PLD1: variants seen among roughly 807,000 people sequenced by gnomAD.
The protein encoded by PLD1 is choline phosphatase 1.
A neutral mutation model predicts 137.1 loss-of-function variants in PLD1; 112 were observed. That is an observed-to-expected ratio of 0.82 (90% CI 0.70 to 0.96). The LOEUF (loss-of-function observed/expected upper bound fraction) is 0.96, where lower values mean the gene tolerates loss of function less well. PLD1 is among the 40% of genes least tolerant of loss of function. PLD1 has a pLI of 0.00. For synonymous variants in PLD1, 431 were observed against 454.7 expected, an observed-to-expected ratio of 0.95 and a Z score of 0.66; for missense variants, 1,321 against 1,342.0, an observed-to-expected ratio of 0.98 and a Z score of 0.24.
intron 23 of PLD1, among the ~76,000 whole-genome samples, chr3:171,624,416 G>C (rs971113504): frequency 1.3e-5 from 2 of 152,050 alleles, no homozygotes; most frequent in Non-Finnish European, 2.9e-5. Context: ...TCATATATTG[G>C]TGATGAAAAT....
At chr3:171,642,496 T>C (rs1332009801) in intron 23 of PLD1, among the ~76,000 whole-genome samples, 2 of 142,152 alleles carry the variant, frequency 1.4e-5, no homozygotes, top group Non-Finnish European at 3.0e-5. Context: ...TCTGCGAAAG[T>C]GTCTTTGAAA....
chr3:171,677,869 C>A (rs1334720746), intron 16 of PLD1, 175 bp from the exon 17 acceptor site: 2 of 524,832 alleles, frequency 3.8e-6, no homozygotes, highest in South Asian at 3.4e-5. Flanking sequence ...ACAGTCCTTA[C>A]AAGTTTACTT....
intron 1 of PLD1, among the ~76,000 whole-genome samples, chr3:171,795,212 C>A (rs950365544): frequency 6.6e-6 from 1 of 152,182 alleles, no homozygotes. Flanking sequence ...ACTGACAGGC[C>A]CACTCACCCC....
chr3:171,733,489 C>G lies in PLD1; in HGVS notation c.561G>C (p.Leu187Phe). ...ACATGGGCATTTTTAGTATCTTTGTCAAGTAATCTTCCAGTTGTTTCTGTA... is the reference window on the plus strand; with the variant it reads ...ACATGGGCATTTTTAGTATCTTTGTGAAGTAATCTTCCAGTTGTTTCTGTA... Reference protein sequence around the residue: ...LGRRKQLEDYLTKILKMPMYR... With the variant: ...LGRRKQLEDYFTKILKMPMYR... Residue 187 changes from leucine to phenylalanine, a missense_variant, in exon 6 of 27, where the codon TTG (leucine) becomes TTC (phenylalanine). Transcript: ENST00000351298. 1 of 1,312,358 alleles carries G rather than the reference C, an allele frequency of 7.6e-7. No homozygotes were observed. Among genetic ancestry groups the G allele is most frequent in the Non-Finnish European group, 1.1e-6 (1 of 909,812 alleles). 81.3% of individuals were successfully genotyped at this position (1,312,358 alleles called of 1,614,324 possible). A position where few individuals can be genotyped will look rare whatever the true frequency, so the allele number is the denominator to read the frequency against.
At chr3:171,751,738 C>A (rs1044002754) in intron 1 of PLD1, among the ~76,000 whole-genome samples, 1 of 152,174 alleles carries the variant, frequency 6.6e-6, no homozygotes, top group African/African-American at 2.4e-5. Context: ...CGGTGGCTCA[C>A]GCCTGTAATC....
chr3:171,762,736 A>G (rs1721492920), intron 1 of PLD1, among the ~76,000 whole-genome samples: 1 of 152,206 alleles, frequency 6.6e-6, no homozygotes, highest in South Asian at 2.1e-4. Flanking sequence ...TGAGCAAGAA[A>G]GTGAGTTAGG....
At position 171,673,630 on chromosome 3, in the gene PLD1, C is replaced by T. The variant is rs146745594; in HGVS notation, c.2229+870G>A. ...TCTGAAATGTCTTATTTCTTATATACACATACCTCCAATTGCACACGATGC... is the reference window on the plus strand; with the variant it reads ...TCTGAAATGTCTTATTTCTTATATATACATACCTCCAATTGCACACGATGC... On this transcript the variant is annotated intron_variant, in intron 19 of 26. Transcript: ENST00000351298. Among the ~76,000 whole-genome samples the T allele has an allele frequency of 2.0e-5, 3 of 152,248 alleles. No homozygotes were observed. In the East Asian group the frequency reaches 5.8e-4, roughly 29 times the overall value.
At chr3:171,632,208 G>C (rs1442059157) in intron 23 of PLD1, among the ~76,000 whole-genome samples, 1 of 152,146 alleles carries the variant, frequency 6.6e-6, no homozygotes, top group African/African-American at 2.4e-5. Context: ...TTGAGGGACA[G>C]TCTATAGAGC....
intron 19 of PLD1, among the ~76,000 whole-genome samples, chr3:171,673,199 C>A (rs1429897628): frequency 6.6e-6 from 1 of 152,112 alleles, no homozygotes; most frequent in African/African-American, 2.4e-5. Context: ...TAAATCATAG[C>A]TATCTCTATG....
intron 16 of PLD1, among the ~76,000 whole-genome samples, chr3:171,682,108 AAAAGAAAGAAAG>A (rs61458676): frequency 0.016 from 1,573 of 99,146 alleles, 17 homozygotes; most frequent in African/African-American, 0.024. Flanking sequence ...TACAGAAAGA[AAAAGAAAGAAAG>A]AAAGAAAGAA....
At chr3:171,803,893 T>C (rs527729278) in intron 1 of PLD1, among the ~76,000 whole-genome samples, 1 of 152,326 alleles carries the variant, frequency 6.6e-6, no homozygotes, top group East Asian at 1.9e-4. Context: ...AAATAATTAG[T>C]AAGTCAGAGG....
In PLD1 at chr3:171,687,527, G is replaced by A. The variant is rs1714698878; in HGVS notation, c.1597C>T (p.Gln533Ter). The A allele has an allele frequency of 2.5e-6, 4 of 1,614,002 alleles. No individual in the cohort carries two copies. The South Asian group carries it at 4.4e-5, about 18-fold the overall frequency. Reference sequence around the variant, plus strand: ...ATACTCTTCTGGATGGGTAGGTTTTGAACAGGCTCATTTTTATCTTTGAGT... The same window carrying A: ...ATACTCTTCTGGATGGGTAGGTTTTAAACAGGCTCATTTTTATCTTTGAGT... ...LRLKDKNEPV[Q>*]NLPIQKSIDD... The change falls in exon 15 of 27, where the codon CAA becomes TAA. Residue 533 changes from glutamine (Q) to a stop codon, truncating the protein, a stop_gained. Coordinates refer to ENST00000351298, the MANE Select transcript of PLD1 (RefSeq NM_002662.5). LOFTEE classifies it high-confidence loss of function.
intron 26 of PLD1, 148 bp from the exon 27 acceptor site, chr3:171,603,450 T>C: frequency 1.6e-6 from 1 of 620,756 alleles, no homozygotes; most frequent in Non-Finnish European, 2.8e-6. Flanking sequence ...GATTTAAGAG[T>C]TGGTTATCTT....
intron 12 of PLD1, among the ~76,000 whole-genome samples, chr3:171,696,905 C>T (rs1032462665): frequency 2.6e-5 from 4 of 152,190 alleles, no homozygotes; most frequent in Non-Finnish European, 5.9e-5. Flanking sequence ...AAATGAAGCA[C>T]TGTTATCAGG....
intron 1 of PLD1, among the ~76,000 whole-genome samples, chr3:171,785,068 G>A (rs758312698): frequency 1.3e-5 from 2 of 152,190 alleles, no homozygotes; most frequent in Non-Finnish European, 2.9e-5. Flanking sequence ...GAATACTACA[G>A]TAAGTCCTGT....
chr3:171,786,940 G>A (rs180768523), intron 1 of PLD1, among the ~76,000 whole-genome samples: 116 of 152,042 alleles, frequency 7.6e-4, no homozygotes, highest in Non-Finnish European at 9.9e-4. Context: ...TCCCTTCATC[G>A]GTAAGTTATC....
intron 16 of PLD1, 193 bp from the exon 17 acceptor site, chr3:171,677,887 G>A: frequency 2.1e-6 from 1 of 466,500 alleles, no homozygotes; most frequent in Non-Finnish European, 3.8e-6. Flanking sequence ...CTTTTAGTGG[G>A]CAGTTAGGGC....
At chr3:171,742,941 CT>C (rs953512054) in intron 1 of PLD1, among the ~76,000 whole-genome samples, 30 of 151,120 alleles carry the variant, frequency 2.0e-4, no homozygotes, top group Admixed American at 1.5e-3. Context: ...GGATCTTTGA[CT>C]TTTTTTTTAA....
At chr3:171,646,298 A>G (rs969144301) in intron 21 of PLD1, among the ~76,000 whole-genome samples, 10 of 152,208 alleles carry the variant, frequency 6.6e-5, no homozygotes, top group African/African-American at 2.4e-4. Flanking sequence ...GATCCTACTT[A>G]AACTTCTCAT....
Sources: allele counts gnomAD v4.1 joint callset (sites outside exome capture counted in the v4.1 genomes callset), GRCh38; gene constraint gnomAD v4.1.1; transcripts MANE v1.5; gene names NCBI Gene and HGNC (gene_info 2026-07-23, HGNC 2026-07-21).